MYO16: variants seen among roughly 807,000 people sequenced by gnomAD.
The protein encoded by MYO16 is unconventional myosin-XVI.
Under a neutral mutation model 205.3 loss-of-function variants are expected in MYO16, and 94 were observed. The ratio of observed to expected loss-of-function variants is 0.46; its 90% CI spans 0.39 to 0.54. The LOEUF (loss-of-function observed/expected upper bound fraction) is 0.54, where lower values mean the gene tolerates loss of function less well. Ranked by LOEUF, MYO16 falls within the 20% of genes least tolerant of loss-of-function variation. The pLI is 0.00. For synonymous variants in MYO16, 988 were observed against 954.0 expected, an observed-to-expected ratio of 1.04 and a Z score of -0.66; for missense variants, 2,315 against 2,387.5, an observed-to-expected ratio of 0.97 and a Z score of 0.63.
chr13:108,625,122 T>TTGTA (rs1879684369), upstream of MYO16, among the ~76,000 whole-genome samples: 1 of 152,178 alleles, frequency 6.6e-6, no homozygotes, highest in Non-Finnish European at 1.5e-5. Context: ...CAAGTCTGTA[T>TTGTA]TGTAAATTTC....
chr13:108,549,007 C>T, the MYO16 span, among the ~76,000 whole-genome samples: 1 of 152,048 alleles, frequency 6.6e-6, no homozygotes, highest in East Asian at 1.9e-4. Flanking sequence ...AGAGAGAATT[C>T]CCACAGCACT....
At chr13:108,969,586 C>T (rs1170578842) in intron 20 of MYO16, among the ~76,000 whole-genome samples, 2 of 152,192 alleles carry the variant, frequency 1.3e-5, no homozygotes, top group African/African-American at 4.8e-5. Flanking sequence ...GGCATCACCT[C>T]CACTCGGGTG....
chr13:108,798,550 G>A (rs1284949918), intron 6 of MYO16, among the ~76,000 whole-genome samples: 1 of 152,020 alleles, frequency 6.6e-6, no homozygotes, highest in Non-Finnish European at 1.5e-5. Flanking sequence ...AGTATATGAA[G>A]GTGAATTCAT....
At chr13:109,018,816 A>G (rs985972354) in intron 22 of MYO16, among the ~76,000 whole-genome samples, 4 of 152,098 alleles carry the variant, frequency 2.6e-5, no homozygotes, top group Admixed American at 1.3e-4. Flanking sequence ...CTCACCCTCC[A>G]TGGGCTGCAC....
chr13:109,176,701 T>A, intron 33 of MYO16, among the ~76,000 whole-genome samples: 1 of 151,398 alleles, frequency 6.6e-6, no homozygotes, highest in East Asian at 1.9e-4. Flanking sequence ...TTGGCCTGTT[T>A]GCTACAACCT....
At chr13:108,910,248 T>A in intron 16 of MYO16, 98 bp downstream of exon 16, 2 of 1,313,726 alleles carry the variant, frequency 1.5e-6, no homozygotes, top group Non-Finnish European at 2.1e-6. Context: ...AGAGACAAAA[T>A]GGTGAGTAAA....
chr13:109,045,043 T>A (rs1296507844), intron 23 of MYO16, among the ~76,000 whole-genome samples: 1 of 152,202 alleles, frequency 6.6e-6, no homozygotes, highest in Non-Finnish European at 1.5e-5. Context: ...AATGCATTTT[T>A]ACTCTCATTT....
At chr13:108,576,992 C>G in the MYO16 span, among the ~76,000 whole-genome samples, 1 of 152,138 alleles carries the variant, frequency 6.6e-6, no homozygotes, top group Non-Finnish European at 1.5e-5. Context: ...CACTCCTGAC[C>G]TCAAGCGCTC....
intron 27 of MYO16, among the ~76,000 whole-genome samples, chr13:109,086,918 T>C (rs1888450377): frequency 6.6e-6 from 1 of 152,242 alleles, no homozygotes; most frequent in Non-Finnish European, 1.5e-5. Flanking sequence ...ATTTCATGGC[T>C]CAATGTGGCA....
intron 19 of MYO16, among the ~76,000 whole-genome samples, chr13:108,962,739 C>T (rs1883636597): frequency 6.6e-6 from 1 of 152,198 alleles, no homozygotes. Flanking sequence ...AAAACAAAAC[C>T]ATCAATCCAA....
intron 2 of MYO16, among the ~76,000 whole-genome samples, chr13:108,686,734 G>A (rs1452527558): frequency 6.6e-6 from 1 of 152,208 alleles, no homozygotes; most frequent in African/African-American, 2.4e-5. Context: ...TACAAAATTG[G>A]TGCTGGAAAT....
chr13:109,059,746 A>G (rs959433205), intron 27 of MYO16, among the ~76,000 whole-genome samples: 3 of 152,168 alleles, frequency 2.0e-5, no homozygotes, highest in African/African-American at 7.2e-5. Flanking sequence ...TTTGCTCTGC[A>G]GAAGCTCTTT....
chr13:108,629,326 T>C (rs1386085117), upstream of MYO16: 2 of 152,506 alleles, frequency 1.3e-5, no homozygotes, highest in Non-Finnish European at 2.9e-5. Context: ...TAATCCGCTT[T>C]ACTACCAGCT....
At chr13:109,083,753 G>T (rs1334920548) in intron 27 of MYO16, among the ~76,000 whole-genome samples, 2 of 152,144 alleles carry the variant, frequency 1.3e-5, no homozygotes, top group African/African-American at 2.4e-5. Context: ...TCTCAAGTGT[G>T]CAGATAATTG....
At chr13:108,575,066 C>G in the MYO16 span, among the ~76,000 whole-genome samples, 1 of 152,164 alleles carries the variant, frequency 6.6e-6, no homozygotes, top group Non-Finnish European at 1.5e-5. Context: ...CTCACACATT[C>G]CAGTGTGTAG....
At chr13:108,886,714 G>A (rs565311770) in intron 13 of MYO16, among the ~76,000 whole-genome samples, 1 of 151,992 alleles carries the variant, frequency 6.6e-6, no homozygotes, top group African/African-American at 2.4e-5. Context: ...AAAGCCCCCT[G>A]TGCAAGTTCC....
At chr13:108,766,059 A>G (rs993749638) in intron 4 of MYO16, among the ~76,000 whole-genome samples, 2 of 152,214 alleles carry the variant, frequency 1.3e-5, no homozygotes, top group African/African-American at 4.8e-5. Context: ...GGCTTGGTAC[A>G]TAGTTCCTTA....
intron 1 of MYO16, among the ~76,000 whole-genome samples, chr13:108,599,031 C>G (rs1385112757): frequency 7.2e-6 from 1 of 139,446 alleles, no homozygotes; most frequent in Non-Finnish European, 1.5e-5. Flanking sequence ...GTGAAGTTCC[C>G]CTTCCTGTGT....
At chr13:108,753,880 C>G (rs1157306512) in intron 4 of MYO16, among the ~76,000 whole-genome samples, 1 of 152,184 alleles carries the variant, frequency 6.6e-6, no homozygotes, top group Non-Finnish European at 1.5e-5. Context: ...TAAAAAGAGG[C>G]TATACTTTGA....
Sources: gnomAD v4.1 joint callset for allele counts (sites outside exome capture counted in the v4.1 genomes callset) on GRCh38, gnomAD v4.1.1 for gene constraint, MANE v1.5 for transcripts, NCBI Gene and HGNC (gene_info 2026-07-23, HGNC 2026-07-21) for gene names.